PLPPR5: variants seen among roughly 807,000 people sequenced by gnomAD.
PLPPR5 encodes the protein phospholipid phosphatase-related protein type 5.
PLPPR5 carries 16 observed loss-of-function variants against 33.9 expected under a neutral mutation model. The observed-to-expected ratio is 0.47, with a 90% CI of 0.32 to 0.72. The LOEUF (loss-of-function observed/expected upper bound fraction) is 0.72, where lower values mean the gene tolerates loss of function less well. Ranked by LOEUF, PLPPR5 falls within the 30% of genes least tolerant of loss-of-function variation. The probability of loss-of-function intolerance (pLI) is 0.03; values close to 1 mark genes in which losing one functional copy is unlikely to be tolerated. For missense variants in PLPPR5, 301 were observed against 406.7 expected (o/e 0.74, Z 2.23); for synonymous variants, 163 against 150.3 (o/e 1.08, Z -0.62).
chr1:98,915,465 T>C (rs1276760449), intron 4 of PLPPR5, among the ~76,000 whole-genome samples: 1 of 152,122 alleles, frequency 6.6e-6, no homozygotes, highest in African/African-American at 2.4e-5. Context: ...TTACTGGGGC[T>C]ACCACTGAAA....
chr1:98,983,938 GT>G (rs971768193), intron 1 of PLPPR5, among the ~76,000 whole-genome samples: 13 of 140,610 alleles, frequency 9.2e-5, no homozygotes, highest in African/African-American at 2.6e-4. Flanking sequence ...TTGATGGGTT[GT>G]TTTTTTCTTT....
intron 5 of PLPPR5, among the ~76,000 whole-genome samples, chr1:98,895,470 G>A (rs889670663): frequency 2.0e-5 from 3 of 152,010 alleles, no homozygotes; most frequent in Non-Finnish European, 4.4e-5. Context: ...ATGTATAATT[G>A]TAGGTGAGCT....
intron 1 of PLPPR5, among the ~76,000 whole-genome samples, chr1:98,972,292 T>C (rs1224715458): frequency 2.6e-5 from 4 of 152,140 alleles, no homozygotes; most frequent in Non-Finnish European, 4.4e-5. Flanking sequence ...TGAAATTCTA[T>C]GAACAAATAC....
chr1:98,896,088 C>T (rs369331862), intron 5 of PLPPR5, among the ~76,000 whole-genome samples: 4 of 151,622 alleles, frequency 2.6e-5, no homozygotes, highest in African/African-American at 4.8e-5. Context: ...TCTAAAGAAG[C>T]GCCAAGATAA....
chr1:98,924,702 A>T (rs1649688845), intron 3 of PLPPR5, among the ~76,000 whole-genome samples: 1 of 152,156 alleles, frequency 6.6e-6, no homozygotes, highest in East Asian at 1.9e-4. Flanking sequence ...CTTGGGCTAC[A>T]TCCCTGTGAA....
At position 98,891,685 on chromosome 1, in the gene PLPPR5, GATTATA is replaced by G. The variant is rs1648281776; in HGVS notation, c.*1381_*1386del. On this transcript the variant is annotated 3_prime_UTR_variant, in exon 6 of 6. Coordinates refer to ENST00000263177, the MANE Select transcript of PLPPR5 (RefSeq NM_001037317.2). ...GACTCTTGATATTATCTTAAAACTG[GATTATA>G]ATTATTATATAGTTTTATATTTGAA... The G allele has an allele frequency of 6.6e-6, 1 of 151,992 alleles. No individual in the cohort carries two copies. The allele number at this position is 151,992 out of a possible 1,614,324, so 9.4% of individuals were successfully genotyped here.
At chr1:98,897,178 AG>A (rs2101131792) in intron 5 of PLPPR5, among the ~76,000 whole-genome samples, 1 of 152,350 alleles carries the variant, frequency 6.6e-6, no homozygotes, top group South Asian at 2.1e-4. Context: ...AAACCTGCAC[AG>A]AAGGACACAT....
rs1227771809 is a variant in PLPPR5, at chr1:98,956,695, C to T, written c.284G>A (p.Arg95Lys). Residue 95 changes from arginine to lysine, a missense_variant, in exon 2 of 6, where the codon AGG becomes AAG. Coordinates refer to ENST00000263177, the MANE Select transcript of PLPPR5 (RefSeq NM_001037317.2). ...TAVFCLQLATRDFENQEKTIL... is the reference protein window; with the variant it reads ...TAVFCLQLATKDFENQEKTIL... ...AGTTTTTTCCTGGTTTTCAAAATCC[C>T]TTGTGGCTAGTTGTAGGCAAAAGAC... 8.8e-6 allele frequency: 14 copies of T among 1,597,978 alleles called. No homozygotes were observed. The South Asian group carries it at 1.6e-4, about 18-fold the overall frequency.
intron 1 of PLPPR5, among the ~76,000 whole-genome samples, chr1:98,973,309 T>C (rs1651723996): frequency 8.0e-6 from 1 of 125,712 alleles, no homozygotes; most frequent in African/African-American, 2.7e-5. Context: ...TGTTGGTAAA[T>C]GTAGGGATTG....
In PLPPR5 at chr1:98,891,210, T is replaced by C. The variant is rs1474073741; in HGVS notation, c.*1862A>G. 1 of 152,162 alleles carries C rather than the reference T, an allele frequency of 6.6e-6. No individual in the cohort carries two copies. The highest frequency in any genetic ancestry group is 1.5e-5 in the Non-Finnish European group (1 of 68,026). 9.4% of individuals were successfully genotyped at this position (152,162 alleles called of 1,614,324 possible). On this transcript the variant is annotated 3_prime_UTR_variant, in exon 6 of 6. Coordinates refer to ENST00000263177, the MANE Select transcript of PLPPR5 (RefSeq NM_001037317.2). ...AATTGCTCTAGAGGTCTGAAATTAG[T>C]AGAAATTTTCTTTTCTTTTCTCTTT...
chr1:98,897,881 T>C (rs1648538439), intron 5 of PLPPR5, among the ~76,000 whole-genome samples: 1 of 152,114 alleles, frequency 6.6e-6, no homozygotes, highest in Admixed American at 6.6e-5. Flanking sequence ...CAAAGGTCCC[T>C]GTCCCTACTC....
At chr1:98,991,824 C>T (rs762058950) in intron 1 of PLPPR5, among the ~76,000 whole-genome samples, 8 of 152,126 alleles carry the variant, frequency 5.3e-5, no homozygotes, top group Non-Finnish European at 1.2e-4. Flanking sequence ...GAGTTCAAAC[C>T]TTTGCTAACC....
At chr1:98,980,145 C>G (rs551245518) in intron 1 of PLPPR5, among the ~76,000 whole-genome samples, 1 of 152,136 alleles carries the variant, frequency 6.6e-6, no homozygotes, top group South Asian at 2.1e-4. Flanking sequence ...ATATTGTGAT[C>G]TGTCTGAATC....
intron 1 of PLPPR5, among the ~76,000 whole-genome samples, chr1:98,970,228 AC>A (rs1490405439): frequency 1.3e-5 from 2 of 152,114 alleles, no homozygotes; most frequent in African/African-American, 4.8e-5. Flanking sequence ...ATGAGAATAC[AC>A]AAAGAAAAGC....
intron 1 of PLPPR5, among the ~76,000 whole-genome samples, chr1:98,970,192 T>A (rs1651610278): frequency 6.6e-6 from 1 of 152,036 alleles, no homozygotes; most frequent in Non-Finnish European, 1.5e-5. Flanking sequence ...AATCCTTATA[T>A]TTTACCAAGC....
chr1:98,922,396 T>C (rs1275467687), intron 3 of PLPPR5, among the ~76,000 whole-genome samples: 1 of 152,188 alleles, frequency 6.6e-6, no homozygotes, highest in Non-Finnish European at 1.5e-5. Flanking sequence ...TATCTGAATT[T>C]TCATTTTAGA....
At chr1:98,959,611 G>A (rs1570734697) in intron 1 of PLPPR5, among the ~76,000 whole-genome samples, 1 of 152,138 alleles carries the variant, frequency 6.6e-6, no homozygotes, top group East Asian at 1.9e-4. Flanking sequence ...CTCTTTGTAT[G>A]CCTTTCTGCC....
At chr1:98,925,037 G>T (rs1344112656) in intron 3 of PLPPR5, among the ~76,000 whole-genome samples, 9 of 152,166 alleles carry the variant, frequency 5.9e-5, no homozygotes, top group African/African-American at 1.4e-4. Flanking sequence ...CTTGTACTCA[G>T]CAACTCTTCA....
intron 1 of PLPPR5, among the ~76,000 whole-genome samples, chr1:98,976,272 T>C (rs1023078): frequency 0.19 from 28,496 of 151,868 alleles, 2,750 homozygotes; most frequent in East Asian, 0.26. Context: ...CTGTAATATG[T>C]CTTGATTCAA....
Sources: gnomAD v4.1 joint callset for allele counts (sites outside exome capture counted in the v4.1 genomes callset) on GRCh38, gnomAD v4.1.1 for gene constraint, MANE v1.5 for transcripts, NCBI Gene and HGNC (gene_info 2026-07-23, HGNC 2026-07-21) for gene names.